EYA1: variants seen among roughly 807,000 people sequenced by gnomAD.
EYA1 encodes the protein protein phosphatase EYA1.
In EYA1, 16 loss-of-function variants were observed where a neutral mutation model predicts 82.0. The observed-to-expected ratio is 0.20, with a 90% CI of 0.13 to 0.30. The LOEUF is 0.30. EYA1 is among the 10% of genes least tolerant of loss of function. The pLI is 1.00. For missense variants in EYA1, 633 were observed against 730.7 expected, an observed-to-expected ratio of 0.87 and a Z score of 1.54; for synonymous variants, 261 against 264.4, an observed-to-expected ratio of 0.99 and a Z score of 0.12.
chr8:71,251,919 C>A (rs1006215665), intron 11 of EYA1, among the ~76,000 whole-genome samples: 1 of 152,130 alleles, frequency 6.6e-6, no homozygotes, highest in South Asian at 2.1e-4. Flanking sequence ...AAGCAGTGCA[C>A]AGAAATACTG....
chr8:71,442,668 T>C (rs180809314), intron 2 of EYA1, among the ~76,000 whole-genome samples: 91 of 152,348 alleles, frequency 6.0e-4, no homozygotes, highest in African/African-American at 2.1e-3. Context: ...GGTACTTTGC[T>C]ATGGGTTTCA....
At chr8:71,407,149 C>T (rs1235846557) in intron 2 of EYA1, among the ~76,000 whole-genome samples, 1 of 136,974 alleles carries the variant, frequency 7.3e-6, no homozygotes, top group African/African-American at 2.7e-5. Context: ...TCCAACAGAC[C>T]TGCAGCTGAG....
intron 2 of EYA1, among the ~76,000 whole-genome samples, chr8:71,355,823 T>C (rs541058312): frequency 6.6e-6 from 1 of 152,364 alleles, no homozygotes; most frequent in East Asian, 1.9e-4. Flanking sequence ...ATTTCAGAAC[T>C]ATACATTTAT....
At chr8:71,490,738 T>C (rs1810929925) in intron 2 of EYA1, among the ~76,000 whole-genome samples, 1 of 152,176 alleles carries the variant, frequency 6.6e-6, no homozygotes, top group Non-Finnish European at 1.5e-5. Flanking sequence ...CTTTAGGAAA[T>C]AGTTTTTGGA....
chr8:71,470,877 C>T (rs1035351031), intron 2 of EYA1: 7 of 455,168 alleles, frequency 1.5e-5, no homozygotes, highest in African/African-American at 1.2e-4. Context: ...CTGGTGAGAG[C>T]TGCTGCTGTG....
chr8:71,424,907 A>C (rs1318614385), intron 2 of EYA1, among the ~76,000 whole-genome samples: 1 of 152,078 alleles, frequency 6.6e-6, no homozygotes, highest in African/African-American at 2.4e-5. Flanking sequence ...AAAAGCCAGT[A>C]GAATTCCAGA....
intron 16 of EYA1, among the ~76,000 whole-genome samples, chr8:71,213,540 T>A (rs922880342): frequency 6.6e-6 from 1 of 152,270 alleles, no homozygotes; most frequent in Non-Finnish European, 1.5e-5. Flanking sequence ...TATAATGGGC[T>A]ACTAGGAATT....
In EYA1 at chr8:71,410,145, A is replaced by C. The variant is rs1830506054; in HGVS notation, c.34-53634T>G. Among the ~76,000 whole-genome samples, 5 of 151,034 alleles carry C rather than the reference A, an allele frequency of 3.3e-5. No individual in the cohort carries two copies. In the South Asian group the frequency reaches 1.1e-3, roughly 32 times the overall value. ...ACAAAAACCACATGATTATTTCAAT[A>C]GATGCAGAAAAAGCCTTTGACAAAA... On this transcript the variant is annotated intron_variant, in intron 2 of 18. Coordinates refer to the EYA1 transcript ENST00000643681.
chr8:71,450,254 C>G (rs1387682079), intron 2 of EYA1, among the ~76,000 whole-genome samples: 1 of 152,242 alleles, frequency 6.6e-6, no homozygotes, highest in Non-Finnish European at 1.5e-5. Flanking sequence ...TTTCAACATG[C>G]TTTCCTCATT....
intron 2 of EYA1, among the ~76,000 whole-genome samples, chr8:71,454,385 A>G (rs1211006994): frequency 6.6e-6 from 1 of 152,230 alleles, no homozygotes; most frequent in East Asian, 1.9e-4. Flanking sequence ...TAACAAGGAT[A>G]TCCAGGAATT....
At chr8:71,225,431 T>G (rs990234843) in intron 12 of EYA1, 1 of 361,862 alleles carries the variant, frequency 2.8e-6, no homozygotes, top group South Asian at 2.1e-5. Flanking sequence ...CCATGATGCT[T>G]CCTTGCAGAA....
At chr8:71,426,986 C>T (rs1231243366) in intron 2 of EYA1, among the ~76,000 whole-genome samples, 1 of 152,146 alleles carries the variant, frequency 6.6e-6, no homozygotes, top group Non-Finnish European at 1.5e-5. Context: ...CCAAAATTTG[C>T]ATAAGATAGA....
intron 2 of EYA1, among the ~76,000 whole-genome samples, chr8:71,506,986 C>A (rs1223438634): frequency 6.6e-6 from 1 of 151,808 alleles, no homozygotes; most frequent in Non-Finnish European, 1.5e-5. Context: ...AAATAATAGA[C>A]AAGAGACTGG....
chr8:71,540,623 A>G (rs148431799), intron 1 of EYA1, among the ~76,000 whole-genome samples: 10 of 152,324 alleles, frequency 6.6e-5, no homozygotes, highest in African/African-American at 2.4e-4. Context: ...TTTTTATTTC[A>G]TACATGACAT....
intron 9 of EYA1, among the ~76,000 whole-genome samples, chr8:71,282,566 C>T (rs1000382895): frequency 6.6e-6 from 1 of 152,218 alleles, no homozygotes; most frequent in African/African-American, 2.4e-5. Flanking sequence ...TGGCTTCCTT[C>T]TGCAACACTT....
chr8:71,227,665 C>G (rs893509330), intron 12 of EYA1, among the ~76,000 whole-genome samples: 1 of 152,110 alleles, frequency 6.6e-6, no homozygotes, highest in Non-Finnish European at 1.5e-5. Flanking sequence ...TTAAATAGGT[C>G]ATACATTATT....
At chr8:71,280,200 G>A (rs1817660839) in intron 9 of EYA1, among the ~76,000 whole-genome samples, 1 of 152,130 alleles carries the variant, frequency 6.6e-6, no homozygotes, top group African/African-American at 2.4e-5. Context: ...CAACTTACTT[G>A]AGCAGACAAG....
intron 16 of EYA1, among the ~76,000 whole-genome samples, chr8:71,213,722 T>C (rs1233471119): frequency 1.3e-5 from 2 of 152,240 alleles, no homozygotes; most frequent in African/African-American, 4.8e-5. Flanking sequence ...TGCCATTGAT[T>C]GAAGACCCCA....
At position 71,223,772 on chromosome 8, in the gene EYA1, G is replaced by A. The variant is rs192851115; in HGVS notation, c.1141-6749C>T. On this transcript the variant is annotated intron_variant, in intron 12 of 17. Transcript: ENST00000340726. ...CCTTCTAGGGCTGGGCCACAGACAT[G>A]TTCTTTTGGACCAATCCCCGGGAAT... Among the ~76,000 whole-genome samples the A allele has an allele frequency of 7.2e-5, 11 of 152,286 alleles. 1 individual carries two copies. The East Asian group carries it at 1.5e-3, about 21-fold the overall frequency.
Sources: allele counts gnomAD v4.1 joint callset (sites outside exome capture counted in the v4.1 genomes callset), GRCh38; gene constraint gnomAD v4.1.1; transcripts MANE v1.5; gene names NCBI Gene and HGNC (gene_info 2026-07-23, HGNC 2026-07-21).